Variants in CUL1 observed in about 807,000 individuals in gnomAD.
CUL1 encodes the protein cullin-1.
A neutral mutation model predicts 118.0 loss-of-function variants in CUL1; 24 were observed. The ratio of observed to expected loss-of-function variants is 0.20; its 90% CI spans 0.15 to 0.29. The LOEUF (loss-of-function observed/expected upper bound fraction) is 0.29. CUL1 is among the 10% of genes least tolerant of loss of function. CUL1 has a pLI of 1.00. For missense variants in CUL1, 361 were observed against 933.8 expected (o/e 0.39, Z 7.99); for synonymous variants, 332 against 340.4 (o/e 0.98, Z 0.27).
chr7:148,715,978 C>T (rs1176001001), intron 1 of CUL1, among the ~76,000 whole-genome samples: 2 of 152,092 alleles, frequency 1.3e-5, no homozygotes, highest in Non-Finnish European at 2.9e-5. Flanking sequence ...TATAAATACA[C>T]TTATATGTCT....
At chr7:148,794,918 G>A (rs1411447214) in intron 17 of CUL1, among the ~76,000 whole-genome samples, 3 of 151,884 alleles carry the variant, frequency 2.0e-5, no homozygotes, top group Admixed American at 1.3e-4. Flanking sequence ...TGCAACCTCC[G>A]CCTCCTGGGT....
At chr7:148,753,701 G>T (rs1799567139) in intron 2 of CUL1, among the ~76,000 whole-genome samples, 1 of 152,114 alleles carries the variant, frequency 6.6e-6, no homozygotes, top group South Asian at 2.1e-4. Context: ...AATCTAAAAG[G>T]TCCAGATTTT....
At chr7:148,725,883 A>G (rs1241931610) in intron 1 of CUL1, among the ~76,000 whole-genome samples, 1 of 152,228 alleles carries the variant, frequency 6.6e-6, no homozygotes, top group South Asian at 2.1e-4. Flanking sequence ...TGAATTTTTG[A>G]AAACCTCAGA....
intron 9 of CUL1, among the ~76,000 whole-genome samples, chr7:148,773,932 C>G (rs1238262257): frequency 6.6e-6 from 1 of 152,116 alleles, no homozygotes; most frequent in African/African-American, 2.4e-5. Context: ...ATGGCTCTAT[C>G]CAGTTTTGTG....
At position 148,725,195 on chromosome 7, in the gene CUL1, G is replaced by GCA. The variant is rs1798522019; in HGVS notation, c.-161-4767_-161-4766insCA. ...ATGGGCATGCAGCGCACATGCGCGC[G>GCA]TGTACACACACACACACGCGCGCGC... On this transcript the variant is annotated intron_variant, in intron 1 of 21. Transcript: ENST00000325222. 3.7e-5 allele frequency among the ~76,000 whole-genome samples: 5 copies of GCA among 134,868 alleles called. No homozygotes were observed. The South Asian group carries it at 1.2e-3, about 32-fold the overall frequency. The allele number at this position is 134,868 out of a possible 152,430, so 88.5% of individuals were successfully genotyped here. A position where few individuals can be genotyped will look rare whatever the true frequency, so the allele number is the denominator to read the frequency against.
chr7:148,797,664 A>G, intron 17 of CUL1, 148 bp from the exon 18 acceptor site: 1 of 643,902 alleles, frequency 1.6e-6, no homozygotes, highest in African/African-American at 1.9e-5. Flanking sequence ...AAGAAGTACC[A>G]ACTTTTTTTT....
chr7:148,767,822 T>C (rs1011692148), intron 9 of CUL1, 73 bp downstream of exon 9: 7 of 1,435,040 alleles, frequency 4.9e-6, no homozygotes, highest in Non-Finnish European at 6.7e-6. Context: ...ATGTTATGCG[T>C]CTCTACTTCC....
intron 9 of CUL1, among the ~76,000 whole-genome samples, chr7:148,779,351 T>C (rs1336519637): frequency 1.3e-5 from 2 of 152,184 alleles, no homozygotes; most frequent in African/African-American, 4.8e-5. Flanking sequence ...CAGCAAGGAA[T>C]TGGCAGGTGT....
intron 1 of CUL1, among the ~76,000 whole-genome samples, chr7:148,704,430 G>A (rs1189192835): frequency 6.6e-6 from 1 of 152,136 alleles, no homozygotes; most frequent in African/African-American, 2.4e-5. Context: ...TGTAAAATAT[G>A]TATGTGCTTT....
At chr7:148,774,037 C>T (rs143126886) in intron 9 of CUL1, among the ~76,000 whole-genome samples, 1,664 of 151,986 alleles carry the variant, frequency 0.011, 15 homozygotes, top group Middle Eastern at 0.02. Flanking sequence ...TCACACAATA[C>T]GTGAAATAAA....
chr7:148,751,229 A>G lies in CUL1; in HGVS notation c.141-2747A>G, dbSNP rs188471795. Among the ~76,000 whole-genome samples the G allele has an allele frequency of 2.0e-3, 300 of 152,210 alleles. 5 individuals are homozygous for G. The highest frequency in any genetic ancestry group is 9.3e-4 in the Non-Finnish European group (63 of 68,006). On this transcript the variant is annotated intron_variant, in intron 2 of 21. Coordinates refer to ENST00000325222, the MANE Select transcript of CUL1 (RefSeq NM_003592.3). ...AATTTTGGACCAGCCAGGGCAACAT[A>G]GCAAGACCCCATCTCTACAAAAAAT...
At chr7:148,720,245 T>C (rs61359639) in intron 1 of CUL1, among the ~76,000 whole-genome samples, 4,885 of 152,228 alleles carry the variant, frequency 0.032, 276 homozygotes, top group African/African-American at 0.11. Flanking sequence ...TTTTAGAAAT[T>C]GTGGGGCAAC....
intron 3 of CUL1, among the ~76,000 whole-genome samples, chr7:148,754,846 A>G (rs568853901): frequency 1.3e-4 from 20 of 152,084 alleles, no homozygotes; most frequent in African/African-American, 4.6e-4. Flanking sequence ...TCCTGGGATC[A>G]AACAATCCTC....
intron 2 of CUL1, among the ~76,000 whole-genome samples, chr7:148,750,964 A>G (rs1014869559): frequency 6.7e-6 from 1 of 148,462 alleles, no homozygotes; most frequent in African/African-American, 2.5e-5. Flanking sequence ...CCTGGGCAAC[A>G]TAGTGAGATC....
intron 1 of CUL1, among the ~76,000 whole-genome samples, chr7:148,719,528 T>C (rs1798331929): frequency 6.6e-6 from 1 of 152,240 alleles, no homozygotes; most frequent in Non-Finnish European, 1.5e-5. Context: ...AATTAGATAA[T>C]CCTTCTTGGT....
At chr7:148,759,246 C>G in intron 4 of CUL1, 58 bp from the exon 5 acceptor site, 2 of 1,508,112 alleles carry the variant, frequency 1.3e-6, no homozygotes, top group South Asian at 2.3e-5. Flanking sequence ...TTTCCTATGA[C>G]TTCAATCTTG....
At chr7:148,736,470 A>G (rs1798947221) in intron 2 of CUL1, among the ~76,000 whole-genome samples, 1 of 151,692 alleles carries the variant, frequency 6.6e-6, no homozygotes, top group Admixed American at 6.6e-5. Flanking sequence ...ACCACACCTA[A>G]TTTTTTATTT....
intron 4 of CUL1, among the ~76,000 whole-genome samples, chr7:148,758,627 G>C (rs1318283027): frequency 6.6e-6 from 1 of 152,144 alleles, no homozygotes. Flanking sequence ...AAGAAAAAAA[G>C]AAAAGCATAA....
At position 148,782,269 on chromosome 7, in the gene CUL1, C is replaced by G. The variant is rs189400923; in HGVS notation, c.1084-1514C>G. ...AAATATTTTCATTGTTTAAAAGAAG[C>G]AAGCTTATATGAAGTAAGATATGGC... On this transcript the variant is annotated intron_variant, in intron 9 of 21. Coordinates refer to ENST00000325222, the MANE Select transcript of CUL1 (RefSeq NM_003592.3). Among the ~76,000 whole-genome samples the G allele has an allele frequency of 9.9e-5, 15 of 152,240 alleles. No individual in the cohort carries two copies. In the East Asian group the frequency reaches 2.7e-3, roughly 27 times the overall value.
Sources: allele counts gnomAD v4.1 joint callset (sites outside exome capture counted in the v4.1 genomes callset), GRCh38; gene constraint gnomAD v4.1.1; transcripts MANE v1.5; gene names NCBI Gene and HGNC (gene_info 2026-07-23, HGNC 2026-07-21).